Variants in CSMD3 observed in about 807,000 individuals in gnomAD.
CSMD3 encodes the protein CUB and Sushi multiple domains 3.
A neutral mutation model predicts 435.2 loss-of-function variants in CSMD3; 177 were observed. The observed-to-expected ratio is 0.41, with a 90% CI of 0.36 to 0.46. The LOEUF (loss-of-function observed/expected upper bound fraction) is 0.46. CSMD3 is among the 20% of genes least tolerant of loss of function. The pLI is 0.34. For missense variants in CSMD3, 4,265 were observed against 4,504.6 expected (o/e 0.95, Z 1.52); for synonymous variants, 1,656 against 1,520.5 (o/e 1.09, Z -2.07).
chr8:113,066,367 G>A (rs907714541), intron 5 of CSMD3, among the ~76,000 whole-genome samples: 1 of 151,790 alleles, frequency 6.6e-6, no homozygotes, highest in African/African-American at 2.4e-5. Context: ...AGAGGGTGAG[G>A]TATGGAAGTA....
At chr8:112,250,264 GC>G (rs1484337764) in intron 63 of CSMD3, among the ~76,000 whole-genome samples, 1 of 151,612 alleles carries the variant, frequency 6.6e-6, no homozygotes, top group Non-Finnish European at 1.5e-5. Flanking sequence ...TATAACAACT[GC>G]TTTAAATATT....
intron 3 of CSMD3, among the ~76,000 whole-genome samples, chr8:113,261,928 T>A (rs1237558442): frequency 6.6e-6 from 1 of 152,054 alleles, no homozygotes; most frequent in Non-Finnish European, 1.5e-5. Context: ...CCCTTCCTTA[T>A]CTTCAAAATA....
chr8:112,443,896 G>A (rs1391182819), intron 32 of CSMD3, among the ~76,000 whole-genome samples: 1 of 151,994 alleles, frequency 6.6e-6, no homozygotes, highest in Non-Finnish European at 1.5e-5. Flanking sequence ...GTCAGACCCT[G>A]CATCATTATG....
intron 7 of CSMD3, among the ~76,000 whole-genome samples, chr8:112,960,032 A>G (rs888071490): frequency 2.6e-5 from 4 of 151,878 alleles, no homozygotes; most frequent in African/African-American, 9.7e-5. Context: ...GGAAATAAAG[A>G]CTAATGTCAT....
chr8:113,383,203 A>AG (rs1376286442), intron 1 of CSMD3, among the ~76,000 whole-genome samples: 1 of 152,112 alleles, frequency 6.6e-6, no homozygotes, highest in Non-Finnish European at 1.5e-5. Context: ...GCAAAAGAGT[A>AG]GGGGAATTAG....
intron 32 of CSMD3, among the ~76,000 whole-genome samples, chr8:112,410,619 T>C (rs1162271113): frequency 1.1e-4 from 7 of 63,528 alleles, no homozygotes; most frequent in Non-Finnish European, 2.3e-4. Context: ...TATATATGTA[T>C]ATATATGTGT....
At chr8:112,294,447 ATAT>A (rs1181943275) in intron 54 of CSMD3, among the ~76,000 whole-genome samples, 11 of 152,128 alleles carry the variant, frequency 7.2e-5, no homozygotes, top group African/African-American at 2.4e-4. Flanking sequence ...CTGGAGATGG[ATAT>A]TATTAGGTGA....
Position 112,940,975 on chromosome 8 carries a change from T to C in CSMD3, c.1508+6815A>G, listed in dbSNP as rs968875116. Among the ~76,000 whole-genome samples, 14 of 151,712 alleles carry C rather than the reference T, an allele frequency of 9.2e-5. No individual in the cohort carries two copies. The East Asian group carries it at 1.2e-3, about 13-fold the overall frequency. On this transcript the variant is annotated intron_variant, in intron 9 of 70. Coordinates refer to ENST00000297405, the MANE Select transcript of CSMD3 (RefSeq NM_198123.2). ...TTTGTCACACATACAGAAACATGAA[T>C]ACTCATATCTGATTACAAGGATCTT...
chr8:112,372,869 T>G (rs2131189642), intron 38 of CSMD3, among the ~76,000 whole-genome samples: 1 of 150,404 alleles, frequency 6.6e-6, no homozygotes, highest in South Asian at 2.1e-4. Context: ...AAAAAAAAGA[T>G]AAATAAATAA....
intron 4 of CSMD3, among the ~76,000 whole-genome samples, chr8:113,165,142 A>G (rs1348948625): frequency 1.3e-5 from 2 of 152,156 alleles, no homozygotes; most frequent in African/African-American, 2.4e-5. Flanking sequence ...GAAGCTGTCA[A>G]TATATTCTTG....
intron 9 of CSMD3, among the ~76,000 whole-genome samples, chr8:112,947,087 T>C (rs992850170): frequency 6.6e-6 from 1 of 151,666 alleles, no homozygotes; most frequent in Non-Finnish European, 1.5e-5. Flanking sequence ...AAATAGGTAT[T>C]TGTGAGTTTT....
chr8:112,284,618 A>G (rs887019204), intron 58 of CSMD3, among the ~76,000 whole-genome samples: 1 of 151,926 alleles, frequency 6.6e-6, no homozygotes, highest in Non-Finnish European at 1.5e-5. Flanking sequence ...TGCTTAAGCA[A>G]TACTTTTCCT....
At chr8:113,065,864 A>T (rs2088831824) in intron 5 of CSMD3, among the ~76,000 whole-genome samples, 2 of 152,086 alleles carry the variant, frequency 1.3e-5, no homozygotes, top group Admixed American at 6.5e-5. Flanking sequence ...AATGTACATG[A>T]TATATTAGTA....
At chr8:112,335,605 C>A (rs574282071) in intron 44 of CSMD3, 131 bp from the exon 45 acceptor site, 5 of 783,234 alleles carry the variant, frequency 6.4e-6, no homozygotes, top group Non-Finnish European at 1.1e-5. Flanking sequence ...AGGAAGCTAA[C>A]CAATGAGTAC....
chr8:112,494,680 CT>C (rs1304417657), intron 30 of CSMD3, among the ~76,000 whole-genome samples: 1 of 151,912 alleles, frequency 6.6e-6, no homozygotes, highest in Non-Finnish European at 1.5e-5. Context: ...AAATTACAGT[CT>C]CTTAAAGAAA....
intron 10 of CSMD3, among the ~76,000 whole-genome samples, chr8:112,887,198 GT>G (rs200825945): frequency 0.13 from 17,516 of 135,062 alleles, 1,094 homozygotes; most frequent in African/African-American, 0.26. Flanking sequence ...ACAATTATTT[GT>G]TTTTTTTTTT....
chr8:112,479,689 C>T (rs1031983070), intron 31 of CSMD3, among the ~76,000 whole-genome samples: 1 of 152,170 alleles, frequency 6.6e-6, no homozygotes, highest in African/African-American at 2.4e-5. Context: ...GCAGTTTTCA[C>T]ATGGTGTTAG....
intron 10 of CSMD3, among the ~76,000 whole-genome samples, chr8:112,879,276 T>C: frequency 6.6e-6 from 1 of 152,122 alleles, no homozygotes; most frequent in East Asian, 1.9e-4. Context: ...CAGTTGCAGA[T>C]AAGAGATGAA....
intron 65 of CSMD3, 24 bp from the exon 66 acceptor site, chr8:112,241,809 T>C (rs1169067156): frequency 2.6e-6 from 4 of 1,551,040 alleles, no homozygotes; most frequent in Non-Finnish European, 3.6e-6. Context: ...TAAAGGTGTT[T>C]ACAAAAGTTG....
Sources: allele counts gnomAD v4.1 joint callset (sites outside exome capture counted in the v4.1 genomes callset), GRCh38; gene constraint gnomAD v4.1.1; transcripts MANE v1.5; gene names NCBI Gene and HGNC (gene_info 2026-07-23, HGNC 2026-07-21).